Variants in MGA observed in about 807,000 individuals in gnomAD.
MGA encodes the protein MAX dimerization protein MGA.
Under a neutral mutation model 261.1 loss-of-function variants are expected in MGA, and 40 were observed. That is an observed-to-expected ratio of 0.15 (90% CI 0.12 to 0.20). MGA has a LOEUF of 0.20. Among genes scored for constraint, MGA ranks in the 10% least tolerant of loss-of-function variants. MGA has a pLI of 1.00. For synonymous variants in MGA, 1,302 were observed against 1,290.6 expected (o/e 1.01, Z -0.19); for missense variants, 3,397 against 3,630.5 (o/e 0.94, Z 1.65).
At chr15:41,646,712 C>T (rs991767887) in intron 1 of MGA, among the ~76,000 whole-genome samples, 21 of 151,774 alleles carry the variant, frequency 1.4e-4, no homozygotes, top group Non-Finnish European at 1.3e-4. Context: ...TCTGTCACCC[C>T]CCGCCCCCTG....
At chr15:41,724,813 C>G (rs1224392276) in intron 9 of MGA, among the ~76,000 whole-genome samples, 1 of 152,064 alleles carries the variant, frequency 6.6e-6, no homozygotes, top group Non-Finnish European at 1.5e-5. Context: ...GTCCCCACCT[C>G]CCACCCCCTT....
chr15:41,749,094 C>G lies in MGA; in HGVS notation c.5504-17C>G. 6.3e-7 allele frequency: 1 copy of G among 1,591,112 alleles called. No individual in the cohort carries two copies. Among genetic ancestry groups the G allele is most frequent in the Non-Finnish European group, 8.6e-7 (1 of 1,169,424 alleles). On this transcript the variant is annotated splice_polypyrimidine_tract_variant and intron_variant, in intron 16 of 23. Transcript: ENST00000219905. ...GCAGTCATGATTTAAAAATTTCTCT[C>G]TTATTTTTTAAACCAGGGTCTGTGA... is the stretch of plus-strand genomic sequence containing the variant.
chr15:41,650,912 A>T (rs1308399353), intron 1 of MGA, among the ~76,000 whole-genome samples: 2 of 152,156 alleles, frequency 1.3e-5, no homozygotes, highest in Non-Finnish European at 2.9e-5. Context: ...ATCTGGTCTT[A>T]GTCCATTTTG....
intron 17 of MGA, among the ~76,000 whole-genome samples, chr15:41,753,165 T>C: frequency 6.6e-6 from 1 of 152,162 alleles, no homozygotes; most frequent in East Asian, 1.9e-4. Context: ...ATTCCAACAC[T>C]TTGGGAGGCT....
intron 9 of MGA, chr15:41,718,490 A>G: frequency 1.5e-6 from 1 of 675,670 alleles, no homozygotes; most frequent in Non-Finnish European, 2.7e-6. Context: ...CAGCTTTCTG[A>G]TCAATCTTGC....
chr15:41,760,893 C>T (rs1435200493), intron 20 of MGA, among the ~76,000 whole-genome samples: 2 of 152,216 alleles, frequency 1.3e-5, no homozygotes, highest in Non-Finnish European at 2.9e-5. Flanking sequence ...TGCGCCACCA[C>T]ACCTGGCTAA....
chr15:41,692,874 G>T (rs1478564206), intron 2 of MGA, among the ~76,000 whole-genome samples: 2 of 152,174 alleles, frequency 1.3e-5, no homozygotes, highest in African/African-American at 4.8e-5. Flanking sequence ...ACTGCATCCA[G>T]CTAATGTTTT....
At chr15:41,686,052 A>G (rs1441441686) in intron 2 of MGA, among the ~76,000 whole-genome samples, 2 of 151,854 alleles carry the variant, frequency 1.3e-5, no homozygotes, top group African/African-American at 2.4e-5. Flanking sequence ...TTTTGATAGT[A>G]TATAGAAATC....
intron 9 of MGA, among the ~76,000 whole-genome samples, chr15:41,724,357 A>C (rs753622540): frequency 6.6e-6 from 1 of 152,118 alleles, no homozygotes; most frequent in Non-Finnish European, 1.5e-5. Flanking sequence ...CGTATTCATC[A>C]TATTGCCTGT....
intron 1 of MGA, among the ~76,000 whole-genome samples, chr15:41,629,785 A>G (rs1287164483): frequency 6.6e-6 from 1 of 152,218 alleles, no homozygotes; most frequent in African/African-American, 2.4e-5. Flanking sequence ...TAGGGAGTAA[A>G]GAAGAGGGCT....
intron 15 of MGA, among the ~76,000 whole-genome samples, chr15:41,744,882 A>G (rs188768419): frequency 2.7e-4 from 41 of 151,960 alleles, no homozygotes; most frequent in African/African-American, 8.7e-4. Flanking sequence ...GTGTTTGTTT[A>G]TTTATTTATT....
chr15:41,651,880 C>T (rs1383277216), intron 1 of MGA, among the ~76,000 whole-genome samples: 10 of 98,118 alleles, frequency 1.0e-4, no homozygotes, highest in East Asian at 3.0e-4. Context: ...CTCTTCTCTC[C>T]GCTCCTGTCT....
At chr15:41,688,183 C>T (rs752599380) in intron 2 of MGA, among the ~76,000 whole-genome samples, 2 of 152,176 alleles carry the variant, frequency 1.3e-5, no homozygotes, top group Non-Finnish European at 2.9e-5. Context: ...TCAAGCGATT[C>T]TCCTGCCTCA....
intron 1 of MGA, among the ~76,000 whole-genome samples, chr15:41,666,979 C>G (rs865813682): frequency 6.6e-6 from 1 of 152,174 alleles, no homozygotes; most frequent in Non-Finnish European, 1.5e-5. Context: ...GTTGCCCTCT[C>G]TTAGAGATTC....
At chr15:41,639,521 T>C (rs1210406362) in intron 1 of MGA, among the ~76,000 whole-genome samples, 1 of 150,730 alleles carries the variant, frequency 6.6e-6, no homozygotes, top group Admixed American at 6.6e-5. Context: ...GTAGTTTTTT[T>C]TTTTTAAATT....
chr15:41,701,257 G>A (rs974168436), intron 5 of MGA, among the ~76,000 whole-genome samples: 2 of 143,984 alleles, frequency 1.4e-5, no homozygotes, highest in Non-Finnish European at 3.1e-5. Context: ...CATTTTTTTT[G>A]TTATTTTCTT....
intron 22 of MGA, 35 bp downstream of exon 22, chr15:41,762,397 A>C (rs745834093): frequency 6.5e-7 from 1 of 1,539,566 alleles, no homozygotes; most frequent in African/African-American, 1.4e-5. Flanking sequence ...CTTAATGTAG[A>C]TATACATCAG....
chr15:41,765,974 A>G (rs2063777775), intron 23 of MGA, 30 bp from the exon 24 acceptor site: 1 of 1,575,250 alleles, frequency 6.3e-7, no homozygotes, highest in Non-Finnish European at 8.7e-7. Flanking sequence ...ATCTAAATGA[A>G]TTTTTCTTTT....
intron 13 of MGA, 43 bp downstream of exon 13, chr15:41,736,741 C>A (rs1055309116): frequency 1.3e-6 from 2 of 1,495,172 alleles, no homozygotes; most frequent in Middle Eastern, 1.8e-4. Context: ...TTTGTATACA[C>A]CTAGGTAGTA....
Sources: gnomAD v4.1 joint callset for allele counts (sites outside exome capture counted in the v4.1 genomes callset) on GRCh38, gnomAD v4.1.1 for gene constraint, MANE v1.5 for transcripts, NCBI Gene and HGNC (gene_info 2026-07-23, HGNC 2026-07-21) for gene names.